Variants in PCDH19 observed in about 807,000 individuals in gnomAD.
PCDH19 encodes protocadherin 19.
A neutral mutation model predicts 46.2 loss-of-function variants in PCDH19; 6 were observed. That is an observed-to-expected ratio of 0.13 (90% CI 0.07 to 0.26). The LOEUF (loss-of-function observed/expected upper bound fraction) is 0.26. Among genes scored for constraint, PCDH19 ranks in the 10% least tolerant of loss-of-function variants. The probability of loss-of-function intolerance (pLI) is 1.00; values close to 1 mark genes in which losing one functional copy is unlikely to be tolerated. For synonymous variants in PCDH19, 481 were observed against 415.7 expected, an observed-to-expected ratio of 1.16 and a Z score of -1.91; for missense variants, 740 against 972.3, an observed-to-expected ratio of 0.76 and a Z score of 3.18.
At chrX:100,303,289 A>AGAAGGAAG (rs1220882386) in intron 5 of PCDH19, among the ~76,000 whole-genome samples, 1 of 110,532 alleles carries the variant, frequency 9.0e-6, no homozygotes, top group African/African-American at 3.3e-5. Context: ...AGGAAATGGA[A>AGAAGGAAG]GAAGGAAGGA....
intron 5 of PCDH19, among the ~76,000 whole-genome samples, chrX:100,322,858 TATATA>T (rs1314728379): frequency 3.1e-5 from 2 of 64,958 alleles, no homozygotes; most frequent in Admixed American, 1.6e-4. Flanking sequence ...TATATATATA[TATATA>T]TATTTTTGCA....
intron 3 of PCDH19, among the ~76,000 whole-genome samples, chrX:100,377,497 CA>C (rs1361698258): frequency 1.8e-5 from 2 of 112,141 alleles, no homozygotes; most frequent in Non-Finnish European, 3.8e-5. Context: ...AAGGATTATT[CA>C]GCACTCATTT....
intron 5 of PCDH19, among the ~76,000 whole-genome samples, chrX:100,302,824 T>C (rs73548972): frequency 9.0e-6 from 1 of 111,055 alleles, no homozygotes; most frequent in Non-Finnish European, 1.9e-5. Context: ...TAGCAAAGCG[T>C]CCAGCACAGA....
intron 3 of PCDH19, among the ~76,000 whole-genome samples, chrX:100,378,365 T>C (rs1927449173): frequency 8.8e-6 from 1 of 113,151 alleles, no homozygotes; most frequent in Non-Finnish European, 1.9e-5. Context: ...AGCTGAAAAG[T>C]ATTTTATTGA....
intron 3 of PCDH19, among the ~76,000 whole-genome samples, chrX:100,366,003 C>T (rs1167510087): frequency 2.7e-5 from 3 of 111,456 alleles, no homozygotes; most frequent in African/African-American, 9.8e-5. Flanking sequence ...TTCTCAATAC[C>T]CTATCATTAA....
intron 3 of PCDH19, among the ~76,000 whole-genome samples, chrX:100,397,624 C>T (rs1015955020): frequency 1.8e-5 from 2 of 112,098 alleles, no homozygotes; most frequent in East Asian, 5.6e-4. Context: ...TGCACAAAGA[C>T]ACTGGGTGTT....
intron 5 of PCDH19, among the ~76,000 whole-genome samples, chrX:100,326,547 G>C (rs1162324269): frequency 9.0e-6 from 1 of 111,598 alleles, no homozygotes; most frequent in African/African-American, 3.3e-5. Flanking sequence ...GAGCAGGGAA[G>C]AGCAGCAGGG....
At position 100,296,582 on chromosome X, in the gene PCDH19, C is replaced by A; in HGVS notation, c.3142G>T (p.Val1048Phe). The change falls in exon 6 of 6, where the codon GTC becomes TTC. Residue 1048 changes from valine (V) to phenylalanine (F), a missense_variant. Around this residue, in one of 5 missense-constraint regions of PCDH19, gnomAD observed 416 missense variants for 476.8 expected, o/e 0.87. Coordinates refer to ENST00000373034, the MANE Select transcript of PCDH19 (RefSeq NM_001184880.2). ...CCTGCCTCCCGGATAACGCTGTTGA[C>A]CTTGGGGCTGCAGATGGTCACATCG... The part of the protein sequence containing the change: ...TVDVTICSPK[V>F]NSVIREAGNG... 8.3e-7 allele frequency: 1 copy of A among 1,211,501 alleles called. No individual in the cohort carries two copies. Among genetic ancestry groups the A allele is most frequent in the Non-Finnish European group, 1.1e-6 (1 of 895,492 alleles).
chrX:100,356,442 A>T (rs1386698554), intron 3 of PCDH19, among the ~76,000 whole-genome samples: 1 of 111,752 alleles, frequency 8.9e-6, no homozygotes, highest in Non-Finnish European at 1.9e-5. Context: ...TCATCTCCTC[A>T]CAAAGATGGC....
intron 5 of PCDH19, among the ~76,000 whole-genome samples, chrX:100,310,452 G>A (rs1206735757): frequency 3.6e-5 from 4 of 111,163 alleles, no homozygotes; most frequent in African/African-American, 1.3e-4. Flanking sequence ...TGACTAGACT[G>A]AAATCTTTGT....
chrX:100,389,178 T>C (rs1325194082), intron 3 of PCDH19, among the ~76,000 whole-genome samples: 1 of 111,489 alleles, frequency 9.0e-6, no homozygotes, highest in Non-Finnish European at 1.9e-5. Context: ...GTATGCTTCA[T>C]ACTTCCTTAT....
chrX:100,306,729 T>C (rs753705224), intron 5 of PCDH19, among the ~76,000 whole-genome samples: 317 of 110,449 alleles, frequency 2.9e-3, no homozygotes, highest in African/African-American at 9.7e-3. Context: ...ACGGGATATA[T>C]TACTACTGAT....
At chrX:100,336,851 G>A (rs1926104002) in intron 5 of PCDH19, among the ~76,000 whole-genome samples, 1 of 111,704 alleles carries the variant, frequency 9.0e-6, no homozygotes, top group South Asian at 3.8e-4. Context: ...AAACAAAATA[G>A]CTGAGCTTGG....
chrX:100,379,985 G>T (rs6620878), intron 3 of PCDH19, among the ~76,000 whole-genome samples: 37,797 of 111,081 alleles, frequency 0.34, 5,733 homozygotes, highest in East Asian at 0.9. Flanking sequence ...TCCATCTGAA[G>T]CTGGCTGCAG....
In PCDH19 at chrX:100,407,238, A is replaced by T. The variant is rs772196924; in HGVS notation, c.1360T>A (p.Ser454Thr). The stretch of plus-strand genomic sequence containing the variant: ...ACAATGACCTGGTAGTAGGGCTTGG[A>T]AAAGTGCGGGTGGTTGTCATTTTCG... ...TDENDNHPHF[S>T]KPYYQVIVQE... The change falls in exon 1 of 6, where the codon TCC becomes ACC. Residue 454 changes from serine to threonine, a missense_variant. By Grantham distance (58) the Ser-to-Thr change is moderately conservative. This residue lies in a region of PCDH19 where 186 missense variants were observed against 319.9 expected (regional missense o/e 0.58). Coordinates refer to ENST00000373034, the MANE Select transcript of PCDH19 (RefSeq NM_001184880.2). 1.9e-5 allele frequency: 23 copies of T among 1,209,650 alleles called. 1 individual carries two copies. Among genetic ancestry groups the T allele is most frequent in the Non-Finnish European group, 2.6e-5 (23 of 895,071 alleles).
chrX:100,352,021 C>T (rs1926586409), intron 3 of PCDH19, among the ~76,000 whole-genome samples: 1 of 112,417 alleles, frequency 8.9e-6, no homozygotes, highest in Non-Finnish European at 1.9e-5. Flanking sequence ...CCAACATTGC[C>T]CTGCACTTAC....
chrX:100,397,870 C>G (rs1271006506), intron 3 of PCDH19, among the ~76,000 whole-genome samples: 1 of 111,819 alleles, frequency 8.9e-6, no homozygotes, highest in East Asian at 2.8e-4. Context: ...ACTAAGGAGC[C>G]TCTCAAAAAA....
At chrX:100,390,354 G>A (rs1927826842) in intron 3 of PCDH19, among the ~76,000 whole-genome samples, 1 of 111,936 alleles carries the variant, frequency 8.9e-6, no homozygotes, top group South Asian at 3.7e-4. Context: ...CAGAATAAAT[G>A]AATACTCTCT....
chrX:100,368,003 G>A (rs999574604), intron 3 of PCDH19, among the ~76,000 whole-genome samples: 5 of 111,376 alleles, frequency 4.5e-5, no homozygotes, highest in African/African-American at 1.3e-4. Context: ...AAGACAGAAC[G>A]TAAGCCATGC....
Sources: gnomAD v4.1 joint callset for allele counts (sites outside exome capture counted in the v4.1 genomes callset) on GRCh38, gnomAD v4.1.1 for gene constraint, gnomAD v4.1.1 regional missense constraint, MANE v1.5 for transcripts, NCBI Gene and HGNC (gene_info 2026-07-23, HGNC 2026-07-21) for gene names.